The following GCDH variants were observed in gnomAD, a reference collection of about 807,000 sequenced individuals.
The protein encoded by GCDH is glutaryl-CoA dehydrogenase.
In GCDH, 31 loss-of-function variants were observed where a neutral mutation model predicts 52.8. The ratio of observed to expected loss-of-function variants is 0.59; its 90% CI spans 0.44 to 0.79. The LOEUF is 0.79. GCDH is among the 30% of genes least tolerant of loss of function. The probability of loss-of-function intolerance (pLI) is 0.00; values close to 1 mark genes in which losing one functional copy is unlikely to be tolerated. For synonymous variants in GCDH, 242 were observed against 250.0 expected, an observed-to-expected ratio of 0.97 and a Z score of 0.30; for missense variants, 509 against 595.0, an observed-to-expected ratio of 0.86 and a Z score of 1.50.
intron 6 of GCDH, chr19:12,894,429 T>C (rs1348198833): frequency 5.3e-6 from 4 of 748,944 alleles, no homozygotes; most frequent in Non-Finnish European, 1.0e-5. Flanking sequence ...CAGTTCATGG[T>C]TGCATCGTGG....
chr19:12,893,470 C>T lies in GCDH; in HGVS notation c.335-13C>T, dbSNP rs1210630922. 6.2e-7 allele frequency: 1 copy of T among 1,612,514 alleles called. No individual in the cohort carries two copies. Among genetic ancestry groups the T allele is most frequent in the Non-Finnish European group, 8.5e-7 (1 of 1,178,630 alleles). On this transcript the variant is annotated splice_polypyrimidine_tract_variant and intron_variant, in intron 5 of 11. Coordinates refer to ENST00000222214, the MANE Select transcript of GCDH (RefSeq NM_000159.4). ...TTCTCTATTGTCCTGCTTTCCCCTC[C>T]TACTACCACCAGGATATGGCTGTGC...
chr19:12,893,120 C>G (rs1970596903), intron 5 of GCDH, among the ~76,000 whole-genome samples: 1 of 152,086 alleles, frequency 6.6e-6, no homozygotes. Context: ...CTCCTGACCT[C>G]AGGTGATCCA....
Position 12,896,757 on chromosome 19 carries a change from T to C in GCDH, c.853-153T>C, listed in dbSNP as rs1328337801. On this transcript the variant is annotated intron_variant, in intron 8 of 11. Transcript: ENST00000222214. The surrounding 1 kb of genome is among the most constrained non-coding windows in gnomAD (Gnocchi z 5.5). Reference sequence around the variant, plus strand: ...CAAACCGAGTGAGCAGGCACCGAGCTTCAGTGCCAGGGCCATCTGTGATGT... The same window carrying C: ...CAAACCGAGTGAGCAGGCACCGAGCCTCAGTGCCAGGGCCATCTGTGATGT... 1.3e-5 allele frequency among the ~76,000 whole-genome samples: 2 copies of C among 152,138 alleles called. No individual in the cohort carries two copies. The highest frequency in any genetic ancestry group is 4.8e-5 in the African/African-American group (2 of 41,434).
chr19:12,892,870 G>A (rs1443365297), intron 5 of GCDH, among the ~76,000 whole-genome samples: 2 of 149,052 alleles, frequency 1.3e-5, no homozygotes, highest in African/African-American at 2.5e-5. Flanking sequence ...ACCGTTGCCC[G>A]GCCCTTTTCT....
Position 12,896,544 on chromosome 19 carries a change from C to T in GCDH, c.852+123C>T, listed in dbSNP as rs1312824119. On this transcript the variant is annotated intron_variant, in intron 8 of 11. Coordinates refer to ENST00000222214, the MANE Select transcript of GCDH (RefSeq NM_000159.4). This position sits in a 1 kb window ranked among gnomAD's most constrained non-coding sequence, Gnocchi z 5.5. ...GGAGCCCACACAGTGGTGATTCTTA[C>T]TCAGCCGGACTCGCTGACGTGCTGA... The T allele has an allele frequency of 2.5e-6, 2 of 800,038 alleles. No homozygotes were observed. The highest frequency in any genetic ancestry group is 2.9e-5 in the South Asian group (2 of 68,326). 49.6% of individuals were successfully genotyped at this position (800,038 alleles called of 1,614,324 possible).
rs770942722 is a variant in GCDH, at chr19:12,891,497, G to C, written c.102G>C (p.Gly34=). The part of the protein sequence containing the change: ...VSSAAQTEKG[G]RTQSQLAKSS... The stretch of plus-strand genomic sequence containing the variant: ...GTTCTGTGCTTGCAGAGAAAGGCGG[G>C]AGAACACAGAGCCAACTGGCTAAGT... Residue 34 remains glycine (G), a synonymous_variant, in exon 3 of 12, where the codon GGG becomes GGC. Transcript: ENST00000222214. 1 of 1,614,136 alleles carries C rather than the reference G, an allele frequency of 6.2e-7. No homozygotes were observed. The highest frequency in any genetic ancestry group is 8.5e-7 in the Non-Finnish European group (1 of 1,180,050).
intron 10 of GCDH, 26 bp downstream of exon 10, chr19:12,897,454 G>C (rs1365563354): frequency 1.2e-6 from 2 of 1,611,394 alleles, no homozygotes; most frequent in Non-Finnish European, 1.7e-6. Flanking sequence ...TGGGGGCGGG[G>C]GGATGGCAGC....
chr19:12,899,524 T>C lies in GCDH; in HGVS notation c.1300T>C (p.Phe434Leu), dbSNP rs1458903062. 6.2e-7 allele frequency: 1 copy of C among 1,614,196 alleles called. No homozygotes were observed. The highest frequency in any genetic ancestry group is 8.5e-7 in the Non-Finnish European group (1 of 1,180,036). Residue 434 changes from phenylalanine to leucine, a missense_variant, in exon 12 of 12, where the codon TTC becomes CTC. By Grantham distance (22) the Phe-to-Leu change is conservative. Coordinates refer to ENST00000222214, the MANE Select transcript of GCDH (RefSeq NM_000159.4). ...GAGAGCTATCACGGGAATCCAGGCG[T>C]TCACGGCCAGCAAGTGAGCCGCTCC... ...LGRAITGIQA[F>L]TASK is the part of the protein sequence containing the mutation.
Position 12,896,424 on chromosome 19 carries a change from A to T in GCDH, c.852+3A>T. The stretch of plus-strand genomic sequence containing the variant: ...TCCCTGGTGCATCCAGCCTGGGGGT[A>T]AGTGGCAGCCACTTTGGGAATGGGT... On this transcript the variant is annotated splice_donor_region_variant and intron_variant, in intron 8 of 11. Transcript: ENST00000222214. This position sits in a 1 kb window ranked among gnomAD's most constrained non-coding sequence, Gnocchi z 5.5. 6.2e-7 allele frequency: 1 copy of T among 1,610,124 alleles called. No homozygotes were observed. The highest frequency in any genetic ancestry group is 8.5e-7 in the Non-Finnish European group (1 of 1,177,872).
chr19:12,899,778 C>A lies in GCDH; in HGVS notation c.*237C>A, dbSNP rs1970792765. The A allele has an allele frequency of 6.2e-7, 1 of 1,600,828 alleles. No homozygotes were observed. The highest frequency in any genetic ancestry group is 8.6e-7 in the Non-Finnish European group (1 of 1,168,908). ...ATCCACTTTTAACCATGGATGAGAG[C>A]AGACTCCATTTACCCTGAAATAGCA... On this transcript the variant is annotated 3_prime_UTR_variant, in exon 12 of 12. Transcript: ENST00000222214.
Position 12,896,791 on chromosome 19 carries a change from A to C in GCDH, c.853-119A>C, listed in dbSNP as rs994692581. 5 of 743,058 alleles carry C rather than the reference A, an allele frequency of 6.7e-6. No individual in the cohort carries two copies. The highest frequency in any genetic ancestry group is 1.2e-5 in the Non-Finnish European group (5 of 419,528). 46.0% of individuals were successfully genotyped at this position (743,058 alleles called of 1,614,324 possible). A position where few individuals can be genotyped will look rare whatever the true frequency, so the allele number is the denominator to read the frequency against. On this transcript the variant is annotated intron_variant, in intron 8 of 11. Transcript: ENST00000222214. This position sits in a 1 kb window ranked among gnomAD's most constrained non-coding sequence, Gnocchi z 5.5. ...AGGGCCATCTGTGATGTGAACCACA[A>C]CCTGAGTCCCCCTGCGTGGGGTGGC...
chr19:12,891,751 G>A, intron 3 of GCDH, 80 bp from the exon 4 acceptor site: 1 of 1,608,850 alleles, frequency 6.2e-7, no homozygotes, highest in Non-Finnish European at 8.5e-7. Flanking sequence ...ATGGGTGTTG[G>A]GGGGTAGGGC....
At chr19:12,894,897 A>G in intron 6 of GCDH, 1 of 441,640 alleles carries the variant, frequency 2.3e-6, no homozygotes, top group Non-Finnish European at 4.1e-6. Flanking sequence ...TTGAGTAACA[A>G]ATAAGATCAG....
chr19:12,892,235 T>A, intron 5 of GCDH, 57 bp downstream of exon 5: 1 of 1,368,206 alleles, frequency 7.3e-7, no homozygotes, highest in Non-Finnish European at 1.0e-6. Flanking sequence ...GAAAGCCTCT[T>A]CCTCCTTCCC....
At chr19:12,891,444 T>G (rs1412241824) in intron 2 of GCDH, 43 bp from the exon 3 acceptor site, 2 of 1,613,142 alleles carry the variant, frequency 1.2e-6, no homozygotes, top group African/African-American at 2.7e-5. Flanking sequence ...GAACTGGGGG[T>G]TTAGGGACTT....
rs555556555 is a variant in GCDH at position 12,894,799 on chromosome 19, G to A, written c.505+1146G>A. The A allele has an allele frequency of 8.7e-6, 6 of 693,288 alleles. No individual in the cohort carries two copies. In the East Asian group the frequency reaches 8.9e-5, roughly 10 times the overall value. The allele number at this position is 693,288 out of a possible 1,614,324, so 42.9% of individuals were successfully genotyped here. A position where few individuals can be genotyped will look rare whatever the true frequency, so the allele number is the denominator to read the frequency against. ...CCAAGAGAATGAAGGAGGCTAAGAA[G>A]CACCAGGGACAAATCGTGAAGAGAC... On this transcript the variant is annotated intron_variant, in intron 6 of 11. Transcript: ENST00000222214.
intron 11 of GCDH, 151 bp downstream of exon 11, chr19:12,898,014 T>C (rs1568429600): frequency 5.7e-6 from 4 of 698,996 alleles, no homozygotes; most frequent in Non-Finnish European, 1.0e-5. Context: ...GTCCCTCATC[T>C]GGAGTTACTC....
intron 1 of GCDH, 25 bp from the exon 2 acceptor site, chr19:12,891,246 C>T (rs542715838): frequency 2.1e-6 from 3 of 1,429,288 alleles, no homozygotes; most frequent in Middle Eastern, 2.4e-4. Flanking sequence ...AGAGGAGCTC[C>T]GCTCTGACAC....
chr19:12,892,457 A>G (rs1358671120), intron 5 of GCDH: 1 of 527,710 alleles, frequency 1.9e-6, no homozygotes, highest in African/African-American at 1.9e-5. Context: ...ATGCCTGGCT[A>G]ATTTTTGTAT....
Sources: gnomAD v4.1 joint callset for allele counts (sites outside exome capture counted in the v4.1 genomes callset) on GRCh38, gnomAD v4.1.1 for gene constraint, Gnocchi (gnomAD v3.1) non-coding constraint, MANE v1.5 for transcripts, NCBI Gene and HGNC (gene_info 2026-07-23, HGNC 2026-07-21) for gene names.